CACNA2D1: variants seen among roughly 807,000 people sequenced by gnomAD.
CACNA2D1 encodes calcium voltage-gated channel auxiliary subunit alpha2delta 1, also known as voltage-dependent calcium channel subunit alpha-2/delta-1.
In CACNA2D1, 53 loss-of-function variants were observed where a neutral mutation model predicts 171.5. That is an observed-to-expected ratio of 0.31 (90% confidence interval 0.25 to 0.39). CACNA2D1 has a LOEUF of 0.39. CACNA2D1 is among the 10% of genes least tolerant of loss of function. The probability of loss-of-function intolerance (pLI) is 1.00; values close to 1 mark genes in which losing one functional copy is unlikely to be tolerated. For missense variants in CACNA2D1, 903 were observed against 1,299.8 expected (o/e 0.69, Z 4.69); for synonymous variants, 442 against 443.1 (o/e 1.00, Z 0.03).
chr7:82,143,361 TTAAC>T (rs1792616483), intron 4 of CACNA2D1, among the ~76,000 whole-genome samples: 5 of 152,128 alleles, frequency 3.3e-5, no homozygotes, highest in Admixed American at 2.0e-4. Context: ...CCCGTAATTG[TTAAC>T]TACTTTTTAT....
chr7:82,249,282 T>A (rs1805348988), intron 3 of CACNA2D1, among the ~76,000 whole-genome samples: 1 of 152,074 alleles, frequency 6.6e-6, no homozygotes, highest in Non-Finnish European at 1.5e-5. Flanking sequence ...AAGGAATAAA[T>A]GTTGGCTAGG....
intron 12 of CACNA2D1, among the ~76,000 whole-genome samples, chr7:82,016,514 G>A (rs961829059): frequency 2.0e-5 from 3 of 151,014 alleles, no homozygotes; most frequent in Non-Finnish European, 2.9e-5. Context: ...AGAAAGGCAA[G>A]CACTTCTAAT....
At chr7:82,174,042 CAAAAAA>C (rs71093365) in intron 3 of CACNA2D1, among the ~76,000 whole-genome samples, 34 of 45,642 alleles carry the variant, frequency 7.4e-4, no homozygotes, top group African/African-American at 2.4e-3. Context: ...GACCCTGTCT[CAAAAAA>C]AAAAAAAAAA....
chr7:82,217,269 G>A (rs1237868815), intron 3 of CACNA2D1, among the ~76,000 whole-genome samples: 1 of 151,104 alleles, frequency 6.6e-6, no homozygotes, highest in East Asian at 1.9e-4. Context: ...TTTAAAAGAG[G>A]ACAATCAACT....
intron 20 of CACNA2D1, among the ~76,000 whole-genome samples, chr7:81,994,601 T>G (rs1797858453): frequency 6.6e-6 from 1 of 152,002 alleles, no homozygotes; most frequent in African/African-American, 2.4e-5. Context: ...ATGTAAAATA[T>G]AATTTCAAGA....
intron 10 of CACNA2D1, among the ~76,000 whole-genome samples, chr7:82,038,755 T>C (rs774266988): frequency 6.6e-6 from 1 of 152,170 alleles, no homozygotes; most frequent in Non-Finnish European, 1.5e-5. Flanking sequence ...GCAATCTGAA[T>C]CAAGAACAAC....
At chr7:82,153,456 G>C (rs1343733035) in intron 4 of CACNA2D1, among the ~76,000 whole-genome samples, 3 of 151,948 alleles carry the variant, frequency 2.0e-5, no homozygotes, top group African/African-American at 7.2e-5. Context: ...TTTCCATTAA[G>C]TAGAAGACAA....
rs949162922 is a variant in CACNA2D1, at chr7:82,219,599, T to C, written c.295-48990A>G. On this transcript the variant is annotated intron_variant, in intron 3 of 38. Transcript: ENST00000356860. ...TTGTGTTTTAACCATTTTAGAAAGA[T>C]TTTCAAAGGAATGTCATTTTCTTTG... Among the ~76,000 whole-genome samples, 7 of 152,112 alleles carry C rather than the reference T, an allele frequency of 4.6e-5. No homozygotes were observed. The East Asian group carries it at 5.8e-4, about 13-fold the overall frequency.
intron 19 of CACNA2D1, among the ~76,000 whole-genome samples, chr7:81,996,634 T>A (rs1798075446): frequency 6.7e-6 from 1 of 148,914 alleles, no homozygotes; most frequent in African/African-American, 2.5e-5. Flanking sequence ...GACTAACATA[T>A]ATCATATAAT....
intron 12 of CACNA2D1, among the ~76,000 whole-genome samples, chr7:82,025,535 G>T (rs564600647): frequency 1.3e-5 from 2 of 151,588 alleles, no homozygotes; most frequent in South Asian, 4.2e-4. Flanking sequence ...TTGTTTATTT[G>T]TTCTAATGAG....
chr7:82,201,449 C>T (rs575944556), intron 3 of CACNA2D1, among the ~76,000 whole-genome samples: 1 of 152,224 alleles, frequency 6.6e-6, no homozygotes, highest in South Asian at 2.1e-4. Context: ...GATAATTTGG[C>T]CAGCATCATG....
chr7:82,202,178 T>C (rs2129207139), intron 3 of CACNA2D1, among the ~76,000 whole-genome samples: 1 of 152,306 alleles, frequency 6.6e-6, no homozygotes, highest in East Asian at 1.9e-4. Context: ...AAGGTATAAC[T>C]ACCCTGCTGA....
chr7:81,984,668 C>T lies in CACNA2D1; in HGVS notation c.1840G>A (p.Ala614Thr). 6.4e-7 allele frequency: 1 copy of T among 1,573,124 alleles called. No homozygotes were observed. Among genetic ancestry groups the T allele is most frequent in the Non-Finnish European group, 8.7e-7 (1 of 1,153,920 alleles). ...LPTYSFYYIK[A>T]KLEETITQAR... ...TGAGTTATTGTCTCTTCTAGTTTGG[C>T]TTTTATATAGTAAAAACTGTAGGTT... Residue 614 changes from alanine to threonine, a missense_variant, in exon 22 of 39, where the codon GCC (alanine) becomes ACC (threonine). Coordinates refer to ENST00000356860, the MANE Select transcript of CACNA2D1 (RefSeq NM_000722.4).
intron 3 of CACNA2D1, among the ~76,000 whole-genome samples, chr7:82,321,365 C>T (rs910667521): frequency 6.6e-6 from 1 of 152,062 alleles, no homozygotes; most frequent in African/African-American, 2.4e-5. Flanking sequence ...CACCATTTCA[C>T]TCCAGCCTGG....
chr7:82,365,707 T>C (rs546133304), intron 1 of CACNA2D1, among the ~76,000 whole-genome samples: 1 of 152,354 alleles, frequency 6.6e-6, no homozygotes, highest in East Asian at 1.9e-4. Context: ...GAAAGACACA[T>C]TAATTATTTC....
chr7:82,319,106 G>C (rs1815490261), intron 3 of CACNA2D1, among the ~76,000 whole-genome samples: 2 of 152,138 alleles, frequency 1.3e-5, no homozygotes, highest in African/African-American at 2.4e-5. Flanking sequence ...GAAGTATGTT[G>C]AAAGGATTAA....
chr7:82,402,643 G>A (rs532723034), intron 1 of CACNA2D1, among the ~76,000 whole-genome samples: 5 of 148,836 alleles, frequency 3.4e-5, no homozygotes, highest in East Asian at 2.0e-4. Flanking sequence ...CCCAGGAGGC[G>A]GAGGTTGCAG....
At chr7:82,037,997 A>G (rs1051693894) in intron 11 of CACNA2D1, 80 bp downstream of exon 11, 1 of 1,349,270 alleles carries the variant, frequency 7.4e-7, no homozygotes, top group Non-Finnish European at 1.1e-6. Flanking sequence ...AATCCCAGAG[A>G]GTAGTAACTA....
intron 6 of CACNA2D1, among the ~76,000 whole-genome samples, chr7:82,105,335 T>G (rs1787612879): frequency 6.6e-6 from 1 of 151,006 alleles, no homozygotes. Flanking sequence ...CCATTTACCC[T>G]TCTATCACAA....
Sources: allele counts gnomAD v4.1 joint callset (sites outside exome capture counted in the v4.1 genomes callset), GRCh38; gene constraint gnomAD v4.1.1; transcripts MANE v1.5; gene names NCBI Gene and HGNC (gene_info 2026-07-23, HGNC 2026-07-21).